The following ZNF717 variants were observed in gnomAD, a reference collection of about 807,000 sequenced individuals.
ZNF717 encodes zinc finger protein 717.
In ZNF717, 9 loss-of-function variants were observed where a neutral mutation model predicts 13.8. The ratio of observed to expected loss-of-function variants is 0.65; its 90% CI spans 0.39 to 1.14. ZNF717 has a LOEUF of 1.14. ZNF717 is among the 50% of genes most tolerant of loss of function. The probability of loss-of-function intolerance (pLI) is 0.01; values close to 1 mark genes in which losing one functional copy is unlikely to be tolerated. For synonymous variants in ZNF717, 327 were observed against 364.1 expected (o/e 0.90, Z 1.16); for missense variants, 1,040 against 1,080.7 (o/e 0.96, Z 0.53).
chr3:75,718,064 G>T (rs1349754010), intron 4 of ZNF717, among the ~76,000 whole-genome samples: 1 of 152,226 alleles, frequency 6.6e-6, no homozygotes, highest in Non-Finnish European at 1.5e-5. Context: ...TGCCAAGTGA[G>T]TTACACTGCA....
Position 75,737,787 on chromosome 3 carries a change from A to T in ZNF717, c.1836T>A (p.Thr612=). Residue 612 remains threonine (T), a synonymous_variant, in exon 5 of 5, where the codon ACT becomes ACA. Coordinates refer to ENST00000652011, the MANE Select transcript of ZNF717 (RefSeq NM_001290208.3). ...ATTCATAGGGTCTTTCCCCTGTGTG[A>T]GTTCTCTTGTGTATCCCAAGGTTTA... ...NKLNLGIHKR[T]HTGERPYECN... is the part of the protein sequence containing the mutation. 2 of 1,551,462 alleles carry T rather than the reference A, an allele frequency of 1.3e-6. No individual in the cohort carries two copies. Among genetic ancestry groups the T allele is most frequent in the Non-Finnish European group, 1.7e-6 (2 of 1,146,774 alleles).
rs753362162 is a variant in ZNF717 at position 75,783,342 on chromosome 3, G to A, written c.21C>T (p.Gly7=). 1 of 1,551,120 alleles carries A rather than the reference G, an allele frequency of 6.4e-7. No individual in the cohort carries two copies. Among genetic ancestry groups the A allele is most frequent in the African/African-American group, 1.4e-5 (1 of 73,036 alleles). Reference sequence around the variant, plus strand: ...TCTTTTCTTGTAGCTCTTGGAAACAGCCAGAGAACACTGGAAACATAGCTG... The same window carrying A: ...TCTTTTCTTGTAGCTCTTGGAAACAACCAGAGAACACTGGAAACATAGCTG... MFPVFS[G]CFQELQEKNK... The change falls in exon 2 of 5, where the codon GGC becomes GGT. Residue 7 remains glycine, a synonymous_variant. Transcript: ENST00000652011.
At chr3:75,746,136 T>C (rs1941150788) in intron 2 of ZNF717, among the ~76,000 whole-genome samples, 4 of 152,224 alleles carry the variant, frequency 2.6e-5, no homozygotes, top group Admixed American at 6.5e-5. Flanking sequence ...TGGTTTTTTG[T>C]CCTTGAGACA....
intron 2 of ZNF717, among the ~76,000 whole-genome samples, chr3:75,779,818 G>A (rs572523565): frequency 7.1e-4 from 105 of 147,728 alleles, no homozygotes; most frequent in African/African-American, 2.3e-3. Flanking sequence ...TGGGAGTGTC[G>A]TGCTAAACCA....
chr3:75,785,436 A>T lies in ZNF717; in HGVS notation c.-55T>A, dbSNP rs2107785310. 6.5e-6 allele frequency: 1 copy of T among 152,878 alleles called. No homozygotes were observed. Among genetic ancestry groups the T allele is most frequent in the African/African-American group, 2.4e-5 (1 of 41,586 alleles). The allele number at this position is 152,878 out of a possible 1,614,324, so 9.5% of individuals were successfully genotyped here. ...ATGCGCCCACGCGTCTGCTCCCACA[A>T]CTGGGGAACACTGGTCCGGCCCCCC... On this transcript the variant is annotated 5_prime_UTR_variant, in exon 1 of 5. The change creates a new upstream start codon in the 5' untranslated region. Transcript: ENST00000652011.
intron 4 of ZNF717, chr3:75,716,562 C>G (rs1409704695): frequency 6.6e-6 from 1 of 152,100 alleles, no homozygotes; most frequent in Non-Finnish European, 1.5e-5. Context: ...ACAGGAAAAA[C>G]AGGCAGGAAA....
intron 2 of ZNF717, among the ~76,000 whole-genome samples, chr3:75,771,096 T>G (rs1943840269): frequency 6.6e-6 from 1 of 152,138 alleles, no homozygotes; most frequent in Admixed American, 6.5e-5. Flanking sequence ...AAACCTAACT[T>G]AAGAGTATGT....
intron 5 of ZNF717, among the ~76,000 whole-genome samples, chr3:75,713,891 C>T (rs1468936872): frequency 6.6e-6 from 1 of 152,042 alleles, no homozygotes; most frequent in African/African-American, 2.4e-5. Flanking sequence ...GAGCCATCTC[C>T]AATGATAGGT....
chr3:75,765,843 T>C (rs1943423351), intron 2 of ZNF717, among the ~76,000 whole-genome samples: 1 of 152,240 alleles, frequency 6.6e-6, no homozygotes, highest in African/African-American at 2.4e-5. Context: ...GCATGGTGGC[T>C]CATGCCTGTA....
At chr3:75,723,496 T>C (rs1426192657) in intron 4 of ZNF717, among the ~76,000 whole-genome samples, 2 of 152,262 alleles carry the variant, frequency 1.3e-5, no homozygotes, top group Non-Finnish European at 2.9e-5. Flanking sequence ...AAATAGAATA[T>C]AGATGATGAT....
chr3:75,724,269 G>C (rs796657422), intron 4 of ZNF717, among the ~76,000 whole-genome samples: 44 of 143,668 alleles, frequency 3.1e-4, no homozygotes, highest in Non-Finnish European at 1.5e-5. Flanking sequence ...GTGGTCCCCC[G>C]GGCCCAAATG....
At chr3:75,754,023 G>T (rs979368594) in intron 2 of ZNF717, among the ~76,000 whole-genome samples, 2 of 152,242 alleles carry the variant, frequency 1.3e-5, no homozygotes, top group African/African-American at 4.8e-5. Flanking sequence ...GGGTCTGAGT[G>T]TTTGTCCCTG....
downstream of ZNF717, among the ~76,000 whole-genome samples, chr3:75,707,759 C>T (rs111413988): frequency 8.9e-5 from 13 of 146,476 alleles, no homozygotes; most frequent in East Asian, 2.1e-4. Flanking sequence ...CCTAATACTG[C>T]GCTTTTCCAA....
downstream of ZNF717, among the ~76,000 whole-genome samples, chr3:75,709,308 C>T (rs184765637): frequency 1.8e-4 from 28 of 152,184 alleles, no homozygotes; most frequent in East Asian, 5.4e-3. Context: ...CCTCCACACA[C>T]TTTTAAACAA....
intron 2 of ZNF717, among the ~76,000 whole-genome samples, chr3:75,745,622 TCC>T (rs1941074767): frequency 1.3e-5 from 2 of 152,014 alleles, no homozygotes; most frequent in Admixed American, 6.6e-5. Context: ...TCACTGCAAC[TCC>T]CCTTTACCCC....
At chr3:75,713,030 G>A (rs8179904) in intron 5 of ZNF717, among the ~76,000 whole-genome samples, 18,902 of 151,756 alleles carry the variant, frequency 0.12, 1,428 homozygotes, top group Non-Finnish European at 0.17. Context: ...GAGGATTGCT[G>A]GAGCCCAAGA....
At chr3:75,769,382 G>A (rs949052449) in intron 2 of ZNF717, among the ~76,000 whole-genome samples, 3 of 151,976 alleles carry the variant, frequency 2.0e-5, no homozygotes, top group Non-Finnish European at 4.4e-5. Context: ...CCTGCTCCAC[G>A]TCCCCAGCCA....
intron 6 of ZNF717, among the ~76,000 whole-genome samples, chr3:75,697,213 C>A (rs1376195150): frequency 4.6e-5 from 7 of 152,180 alleles, no homozygotes; most frequent in Non-Finnish European, 1.0e-4. Context: ...TAAAAGGCAT[C>A]CCAATTGGAA....
chr3:75,782,042 C>G (rs759897236), intron 2 of ZNF717, among the ~76,000 whole-genome samples: 8 of 152,190 alleles, frequency 5.3e-5, no homozygotes, highest in Non-Finnish European at 1.0e-4. Flanking sequence ...TTAGCCATCT[C>G]TCAGTCGCTG....
Sources: allele counts gnomAD v4.1 joint callset (sites outside exome capture counted in the v4.1 genomes callset), GRCh38; gene constraint gnomAD v4.1.1; transcripts MANE v1.5; gene names NCBI Gene and HGNC (gene_info 2026-07-23, HGNC 2026-07-21).